The following TAOK1 variants were observed in gnomAD, a reference collection of about 807,000 sequenced individuals.
TAOK1 encodes serine/threonine-protein kinase TAO1.
Under a neutral mutation model 138.3 loss-of-function variants are expected in TAOK1, and 21 were observed. The ratio of observed to expected loss-of-function variants is 0.15; its 90% CI spans 0.11 to 0.22. TAOK1 has a LOEUF of 0.22. TAOK1 is among the 10% of genes least tolerant of loss of function. TAOK1 has a pLI of 1.00. For synonymous variants in TAOK1, 361 were observed against 398.4 expected (o/e 0.91, Z 1.12); for missense variants, 651 against 1,227.7 (o/e 0.53, Z 7.02).
rs567760479 is a variant in TAOK1 at position 29,493,768 on chromosome 17, A to C, written c.832-1792A>C. Among the ~76,000 whole-genome samples, 3 of 152,256 alleles carry C rather than the reference A, an allele frequency of 2.0e-5. No individual in the cohort carries two copies. The South Asian group carries it at 6.2e-4, about 32-fold the overall frequency. On this transcript the variant is annotated intron_variant, in intron 10 of 19. Coordinates refer to ENST00000261716, the MANE Select transcript of TAOK1 (RefSeq NM_020791.4). Reference sequence around the variant, plus strand: ...TCTATCATAAAGAAAAAAACTAATAAAAAAATTTAATGTATGAAGCTATTT... The same window carrying C: ...TCTATCATAAAGAAAAAAACTAATACAAAAATTTAATGTATGAAGCTATTT...
chr17:29,472,293 C>T (rs2030837603), intron 3 of TAOK1, among the ~76,000 whole-genome samples: 1 of 148,806 alleles, frequency 6.7e-6, no homozygotes, highest in African/African-American at 2.5e-5. Flanking sequence ...ATTCTTGTCG[C>T]CCAGGCTGGA....
chr17:29,517,047 C>T (rs943544599), intron 15 of TAOK1, among the ~76,000 whole-genome samples: 6 of 150,816 alleles, frequency 4.0e-5, no homozygotes, highest in Admixed American at 1.3e-4. Context: ...AGTGCAGTGG[C>T]GAGATCTCAG....
At chr17:29,399,257 G>T (rs968197047) in intron 1 of TAOK1, among the ~76,000 whole-genome samples, 1 of 151,536 alleles carries the variant, frequency 6.6e-6, no homozygotes, top group Non-Finnish European at 1.5e-5. Context: ...AAGTGCTGGG[G>T]AGAGTCTAAT....
chr17:29,465,505 CT>C lies in TAOK1; in HGVS notation c.133-1633del, dbSNP rs200816268. Reference sequence around the variant, plus strand: ...GAGGTATAATTTTACAGGTGCTGTCCTTTTTTTAAAAAAAAAGTTTTTTGAG... The same window carrying C: ...GAGGTATAATTTTACAGGTGCTGTCCTTTTTTAAAAAAAAAGTTTTTTGAG... On this transcript the variant is annotated intron_variant, in intron 2 of 19. Coordinates refer to ENST00000261716, the MANE Select transcript of TAOK1 (RefSeq NM_020791.4). 1.5e-3 allele frequency among the ~76,000 whole-genome samples: 225 copies of C among 150,884 alleles called. 1 individual carries two copies. Among genetic ancestry groups the C allele is most frequent in the African/African-American group, 5.1e-3 (208 of 41,098 alleles).
intron 13 of TAOK1, among the ~76,000 whole-genome samples, chr17:29,503,164 A>G (rs2031562035): frequency 1.3e-5 from 2 of 152,134 alleles, no homozygotes; most frequent in Non-Finnish European, 2.9e-5. Flanking sequence ...TGGGAGGCCG[A>G]AGCGGGCGGA....
intron 11 of TAOK1, among the ~76,000 whole-genome samples, chr17:29,496,880 C>T (rs2031425972): frequency 1.3e-5 from 2 of 152,202 alleles, no homozygotes; most frequent in East Asian, 1.9e-4. Flanking sequence ...GCCACCGCAC[C>T]TGGCCTACAC....
At chr17:29,445,444 C>G (rs1406782812) in intron 1 of TAOK1, 2 of 152,276 alleles carry the variant, frequency 1.3e-5, no homozygotes, top group Non-Finnish European at 2.9e-5. Context: ...TTTCAGTCTT[C>G]AAGCATTAAG....
intron 11 of TAOK1, among the ~76,000 whole-genome samples, chr17:29,495,995 A>G (rs182031308): frequency 1.3e-5 from 2 of 152,314 alleles, no homozygotes; most frequent in Admixed American, 1.3e-4. Flanking sequence ...ACACAATGTC[A>G]TAATGAAGGT....
chr17:29,497,375 G>T (rs1037663812), intron 11 of TAOK1, among the ~76,000 whole-genome samples: 3 of 152,080 alleles, frequency 2.0e-5, no homozygotes, highest in Non-Finnish European at 4.4e-5. Flanking sequence ...TCAGATATGT[G>T]AAATACTTTA....
At chr17:29,414,504 C>T (rs1905221828) in intron 1 of TAOK1, among the ~76,000 whole-genome samples, 1 of 152,072 alleles carries the variant, frequency 6.6e-6, no homozygotes, top group Non-Finnish European at 1.5e-5. Context: ...CCCGCCTTGG[C>T]CTCCCAAAGT....
intron 1 of TAOK1, among the ~76,000 whole-genome samples, chr17:29,447,385 G>C (rs946688140): frequency 7.2e-5 from 11 of 151,800 alleles, no homozygotes; most frequent in Admixed American, 5.9e-4. Flanking sequence ...CAGACTGGAG[G>C]GCAATGGCAC....
At chr17:29,411,562 T>A (rs1905145415) in intron 1 of TAOK1, among the ~76,000 whole-genome samples, 1 of 152,034 alleles carries the variant, frequency 6.6e-6, no homozygotes, top group African/African-American at 2.4e-5. Flanking sequence ...TGGCTAATTT[T>A]TTTTTTTTGT....
chr17:29,530,389 A>ATTTTTT lies in TAOK1; in HGVS notation c.2149-14_2149-9dup, dbSNP rs573433155. ...CTTTCGTTACAACTTACATAAATGT[A>ATTTTTT]TTTTTTTTTCTTCCCAGTCTAAAGA... On this transcript the variant is annotated splice_polypyrimidine_tract_variant and intron_variant, in intron 17 of 19. Transcript: ENST00000261716. 4.4e-6 allele frequency: 7 copies of ATTTTTT among 1,583,306 alleles called. No homozygotes were observed. Among genetic ancestry groups the ATTTTTT allele is most frequent in the Non-Finnish European group, 5.2e-6 (6 of 1,155,144 alleles).
intron 6 of TAOK1, 170 bp from the exon 7 acceptor site, chr17:29,480,198 G>GT: frequency 2.5e-6 from 1 of 400,330 alleles, no homozygotes; most frequent in Non-Finnish European, 4.3e-6. Flanking sequence ...GTAGTTTTTT[G>GT]TTTTCTAATT....
intron 12 of TAOK1, among the ~76,000 whole-genome samples, chr17:29,500,314 C>CAAAAAACAAACAAACAA (rs2031500883): frequency 6.6e-6 from 1 of 151,692 alleles, no homozygotes. Flanking sequence ...GACTGTATCT[C>CAAAAAACAAACAAACAA]AAAAAACAAA....
In TAOK1 at chr17:29,464,467, A is replaced by T. The variant is rs994617065; in HGVS notation, c.133-2678A>T. On this transcript the variant is annotated intron_variant, in intron 2 of 19. Coordinates refer to ENST00000261716, the MANE Select transcript of TAOK1 (RefSeq NM_020791.4). ...TCAAAAAAAAAAAAAAAGAAAAAAAAAATGTTCTGTAATTGACCGTTCTAA... is the reference window on the plus strand; with the variant it reads ...TCAAAAAAAAAAAAAAAGAAAAAAATAATGTTCTGTAATTGACCGTTCTAA... Among the ~76,000 whole-genome samples, 35 of 151,988 alleles carry T rather than the reference A, an allele frequency of 2.3e-4. 1 individual carries two copies. The highest frequency in any genetic ancestry group is 2.3e-3 in the Admixed American group (35 of 15,234).
chr17:29,468,135 A>ATTTTTTTTTTTTTTTTTTTTTTTTTTT (rs761962930), intron 3 of TAOK1, among the ~76,000 whole-genome samples: 986 of 75,876 alleles, frequency 0.013, 194 homozygotes, highest in Non-Finnish European at 0.019. Flanking sequence ...CCTGCTTTCA[A>ATTTTTTTTTTTTTTTTTTTTTTTTTTT]TTTTTTTTTT....
intron 12 of TAOK1, among the ~76,000 whole-genome samples, chr17:29,498,765 A>C (rs1366927873): frequency 1.3e-5 from 2 of 152,010 alleles, no homozygotes; most frequent in Non-Finnish European, 2.9e-5. Flanking sequence ...TAAAAATACA[A>C]AAATTAGCTA....
chr17:29,542,764 G>C lies in TAOK1; in HGVS notation c.2748G>C (p.Gly916=). 1 of 1,614,162 alleles carries C rather than the reference G, an allele frequency of 6.2e-7. No homozygotes were observed. Among genetic ancestry groups the C allele is most frequent in the Non-Finnish European group, 8.5e-7 (1 of 1,180,026 alleles). The change falls in exon 20 of 20, where the codon GGG becomes GGC. Residue 916 remains glycine (G), a synonymous_variant. Coordinates refer to ENST00000261716, the MANE Select transcript of TAOK1 (RefSeq NM_020791.4). ...GASGWSHNPT[G]GPGPHWGHPM... is the part of the protein sequence containing the mutation. ...CTGGTTGGTCACACAACCCTACTGG[G>C]GGTCCAGGACCTCACTGGGGTCATC...
Sources: gnomAD v4.1 joint callset for allele counts (sites outside exome capture counted in the v4.1 genomes callset) on GRCh38, gnomAD v4.1.1 for gene constraint, MANE v1.5 for transcripts, NCBI Gene and HGNC (gene_info 2026-07-23, HGNC 2026-07-21) for gene names.